Variants in NRG1 observed in about 807,000 individuals in gnomAD.
NRG1 encodes neuregulin 1, also known as pro-neuregulin-1, membrane-bound isoform.
NRG1 carries 18 observed loss-of-function variants against 63.8 expected under a neutral mutation model. The observed-to-expected ratio is 0.28, with a 90% CI of 0.19 to 0.42. The LOEUF (loss-of-function observed/expected upper bound fraction) is 0.42. Among genes scored for constraint, NRG1 ranks in the 10% least tolerant of loss-of-function variants. The probability of loss-of-function intolerance (pLI) is 1.00; values close to 1 mark genes in which losing one functional copy is unlikely to be tolerated. For missense variants in NRG1, 762 were observed against 814.7 expected, an observed-to-expected ratio of 0.94 and a Z score of 0.79; for synonymous variants, 302 against 301.3, an observed-to-expected ratio of 1.00 and a Z score of -0.02.
chr8:31,931,892 A>G (rs1242786392), intron 1 of NRG1, among the ~76,000 whole-genome samples: 1 of 152,116 alleles, frequency 6.6e-6, no homozygotes, highest in Admixed American at 6.6e-5. Context: ...CTGTACTGTA[A>G]ATGTTTCATG....
chr8:32,641,374 G>C (rs1261553165), intron 5 of NRG1, among the ~76,000 whole-genome samples: 1 of 152,022 alleles, frequency 6.6e-6, no homozygotes, highest in East Asian at 1.9e-4. Flanking sequence ...TTGCACTGTT[G>C]TGCAACCACC....
chr8:32,292,614 C>T (rs1854337284), intron 1 of NRG1, among the ~76,000 whole-genome samples: 1 of 152,138 alleles, frequency 6.6e-6, no homozygotes, highest in Admixed American at 6.6e-5. Flanking sequence ...TTCTAATTCG[C>T]AGTAGCAGTA....
chr8:31,713,358 C>T (rs990104759), intron 1 of NRG1, among the ~76,000 whole-genome samples: 21 of 151,934 alleles, frequency 1.4e-4, no homozygotes, highest in Non-Finnish European at 2.1e-4. Context: ...CCTCGTGATC[C>T]GCCGGCCTCG....
intron 1 of NRG1, among the ~76,000 whole-genome samples, chr8:32,583,797 C>T (rs1474177311): frequency 2.6e-5 from 4 of 152,112 alleles, no homozygotes; most frequent in Admixed American, 2.6e-4. Context: ...TTGTTCAGCA[C>T]GAAAAAAGCT....
chr8:32,427,610 G>A (rs867416271), intron 1 of NRG1, among the ~76,000 whole-genome samples: 2 of 152,108 alleles, frequency 1.3e-5, no homozygotes, highest in Non-Finnish European at 2.9e-5. Context: ...GCGTTTTAGA[G>A]GTAACAACAT....
At chr8:32,229,481 T>G (rs1228912868) in intron 1 of NRG1, among the ~76,000 whole-genome samples, 1 of 151,934 alleles carries the variant, frequency 6.6e-6, no homozygotes, top group Non-Finnish European at 1.5e-5. Flanking sequence ...ACCAGCAGTG[T>G]GGGAATGGGG....
At chr8:32,336,588 G>C (rs1239434029) in intron 1 of NRG1, among the ~76,000 whole-genome samples, 1 of 152,152 alleles carries the variant, frequency 6.6e-6, no homozygotes, top group East Asian at 1.9e-4. Context: ...GGTGCTTAGA[G>C]GCCATGGTAG....
At chr8:32,754,555 T>C (rs924477013) in intron 8 of NRG1, 81 bp downstream of exon 8, 2 of 1,261,994 alleles carry the variant, frequency 1.6e-6, no homozygotes. Flanking sequence ...GAATCTGAGC[T>C]CCACAGCCTA....
chr8:31,916,134 C>T (rs904669339), intron 1 of NRG1, among the ~76,000 whole-genome samples: 1 of 152,038 alleles, frequency 6.6e-6, no homozygotes, highest in Non-Finnish European at 1.5e-5. Context: ...AACAGTTTGG[C>T]TACATTATCT....
chr8:32,441,548 G>T (rs1214972629), intron 1 of NRG1: 1 of 152,120 alleles, frequency 6.6e-6, no homozygotes, highest in East Asian at 1.9e-4. Context: ...AACCCCAGGA[G>T]TTTGAGGCTG....
intron 1 of NRG1, among the ~76,000 whole-genome samples, chr8:31,705,129 C>T (rs954744144): frequency 6.6e-6 from 1 of 152,078 alleles, no homozygotes; most frequent in Non-Finnish European, 1.5e-5. Flanking sequence ...TCTGCCCCGC[C>T]GGGTTCAAGC....
Position 31,947,960 on chromosome 8 carries a change from A to AAC in NRG1, c.37+308530_37+308531insCA, listed in dbSNP as rs1273929377. 7.8e-4 allele frequency among the ~76,000 whole-genome samples: 117 copies of AAC among 150,382 alleles called. 1 individual carries two copies. The highest frequency in any genetic ancestry group is 2.7e-3 in the African/African-American group (109 of 41,006). ...ACTCCATCTCAAAAAAAAAAAAAAA[A>AAC]AAAAAAAAAAAACTACTACTTATCA... On this transcript the variant is annotated intron_variant, in intron 1 of 10. Transcript: ENST00000519301.
chr8:31,655,284 C>T (rs1437515741), intron 1 of NRG1, among the ~76,000 whole-genome samples: 1 of 152,076 alleles, frequency 6.6e-6, no homozygotes, highest in Non-Finnish European at 1.5e-5. Flanking sequence ...AGAAGATAGG[C>T]AAAAGGGTTA....
intron 1 of NRG1, among the ~76,000 whole-genome samples, chr8:32,423,975 T>C (rs986043931): frequency 1.3e-5 from 2 of 152,184 alleles, no homozygotes; most frequent in African/African-American, 4.8e-5. Context: ...TGGAAAGTCC[T>C]TATTTGGAAT....
chr8:32,127,019 T>G (rs1834157569), intron 1 of NRG1, among the ~76,000 whole-genome samples: 1 of 151,902 alleles, frequency 6.6e-6, no homozygotes, highest in African/African-American at 2.4e-5. Flanking sequence ...AATGAAAAGT[T>G]TATGACTAGT....
chr8:32,584,112 G>T (rs563078131), intron 1 of NRG1, among the ~76,000 whole-genome samples: 1 of 152,266 alleles, frequency 6.6e-6, no homozygotes, highest in East Asian at 1.9e-4. Context: ...TGAGACCAAA[G>T]GGCACTGACT....
chr8:31,754,390 C>T lies in NRG1; in HGVS notation c.37+114959C>T, dbSNP rs571331821. 3.9e-5 allele frequency among the ~76,000 whole-genome samples: 6 copies of T among 152,150 alleles called. 1 individual carries two copies. In the South Asian group the frequency reaches 6.2e-4, roughly 16 times the overall value. On this transcript the variant is annotated intron_variant, in intron 1 of 10. Coordinates refer to the NRG1 transcript ENST00000519301. Reference sequence around the variant, plus strand: ...GTCTTTAAAAGCGTGTGATGCTTCGCCCCTCTCTCTCACTCTTGCTTTGGC... The same window carrying T: ...GTCTTTAAAAGCGTGTGATGCTTCGTCCCTCTCTCTCACTCTTGCTTTGGC...
chr8:32,473,620 G>T (rs1466544426), intron 1 of NRG1, among the ~76,000 whole-genome samples: 1 of 152,038 alleles, frequency 6.6e-6, no homozygotes, highest in Non-Finnish European at 1.5e-5. Context: ...CTGACCTATG[G>T]TTTATGATTT....
intron 1 of NRG1, among the ~76,000 whole-genome samples, chr8:31,916,311 C>G (rs1314596483): frequency 6.6e-6 from 1 of 152,092 alleles, no homozygotes; most frequent in African/African-American, 2.4e-5. Flanking sequence ...GCTGCACCCA[C>G]TAACTCGTCA....
Sources: allele counts gnomAD v4.1 joint callset (sites outside exome capture counted in the v4.1 genomes callset), GRCh38; gene constraint gnomAD v4.1.1; transcripts MANE v1.5; gene names NCBI Gene and HGNC (gene_info 2026-07-23, HGNC 2026-07-21).